Variants in ISG20 observed in about 807,000 individuals in gnomAD.
The protein encoded by ISG20 is interferon stimulated exonuclease gene 20.
Under a neutral mutation model 11.1 loss-of-function variants are expected in ISG20, and 8 were observed. That is an observed-to-expected ratio of 0.72 (90% confidence interval 0.42 to 1.30). The LOEUF (loss-of-function observed/expected upper bound fraction) is 1.30. ISG20 is among the 50% of genes most tolerant of loss of function. The probability of loss-of-function intolerance (pLI) is 0.01; values close to 1 mark genes in which losing one functional copy is unlikely to be tolerated. For synonymous variants in ISG20, 110 were observed against 101.7 expected (o/e 1.08, Z -0.49); for missense variants, 243 against 250.2 (o/e 0.97, Z 0.19).
At chr15:88,641,879 A>G (rs2058086783) in intron 2 of ISG20, among the ~76,000 whole-genome samples, 1 of 149,776 alleles carries the variant, frequency 6.7e-6, no homozygotes, top group Admixed American at 6.6e-5. Flanking sequence ...TGGCCTCCCA[A>G]AGTGCTGGGA....
chr15:88,654,569 G>A (rs1038985269), intron 3 of ISG20, among the ~76,000 whole-genome samples: 13 of 152,222 alleles, frequency 8.5e-5, no homozygotes, highest in Middle Eastern at 6.8e-3. Flanking sequence ...GGACACCAGG[G>A]CTGAGCGGGG....
At chr15:88,652,556 C>T (rs867596703) in intron 3 of ISG20, among the ~76,000 whole-genome samples, 6 of 34,978 alleles carry the variant, frequency 1.7e-4, no homozygotes, top group African/African-American at 5.6e-4. Context: ...TGCCCTCCTC[C>T]CCTTCCTCCT....
rs144037981 is a variant in ISG20, at chr15:88,639,456, C to G, written c.90C>G (p.Leu30=). Residue 30 remains leucine (L), a synonymous_variant, in exon 2 of 4, where the codon CTC becomes CTG. Coordinates refer to ENST00000306072, the MANE Select transcript of ISG20 (RefSeq NM_002201.6). The surrounding 1 kb of genome is among the most constrained non-coding windows in gnomAD (Gnocchi z 4.2). ...HRESGLARCS[L]VNVHGAVLYD... is the part of the protein sequence containing the mutation. ...AGAGTGGCCTGGCTCGTTGCAGCCT[C>G]GTGAACGTCCACGGTGCTGTGCTGT... 9 of 1,614,142 alleles carry G rather than the reference C, an allele frequency of 5.6e-6. No homozygotes were observed. The East Asian group carries it at 2.0e-4, about 36-fold the overall frequency.
chr15:88,650,267 G>A lies in ISG20; in HGVS notation c.229-1843G>A, dbSNP rs1039155821. ...TCCCATCCTCTCCAACGGCAGCTGA[G>A]TGAAAGCAAGCTGACTGGCCTGTGT... On this transcript the variant is annotated intron_variant, in intron 2 of 3. Coordinates refer to ENST00000306072, the MANE Select transcript of ISG20 (RefSeq NM_002201.6). This position sits in a 1 kb window ranked among gnomAD's most constrained non-coding sequence, Gnocchi z 4.0. The A allele has an allele frequency of 5.9e-6, 9 of 1,535,718 alleles. No individual in the cohort carries two copies. Among genetic ancestry groups the A allele is most frequent in the Non-Finnish European group, 7.8e-6 (9 of 1,146,890 alleles).
At chr15:88,635,720 A>G (rs1463417804), upstream of ISG20, among the ~76,000 whole-genome samples, 2 of 152,088 alleles carry the variant, frequency 1.3e-5, no homozygotes, top group Non-Finnish European at 2.9e-5. Context: ...GTTAAGTTTT[A>G]CCTTTTAATA....
rs370559976 is a variant in ISG20, at chr15:88,655,562, G to A, written c.*31G>A. On this transcript the variant is annotated 3_prime_UTR_variant, in exon 4 of 4. Transcript: ENST00000306072. ...CATCCAGCCCGTTCCGCAGGGACTA[G>A]AGGCTTTCGGCTTTTTGGGACAGCA... The A allele has an allele frequency of 2.0e-6, 3 of 1,536,908 alleles. No homozygotes were observed. In the African/African-American group the frequency reaches 4.1e-5, roughly 21 times the overall value.
chr15:88,649,142 G>A (rs2058229168), intron 2 of ISG20: 1 of 152,294 alleles, frequency 6.6e-6, no homozygotes, highest in Admixed American at 6.5e-5. Context: ...CTGAAGCCCA[G>A]AGAGGGTCTT....
At chr15:88,640,205 G>C (rs117365289) in intron 2 of ISG20, among the ~76,000 whole-genome samples, 1 of 152,182 alleles carries the variant, frequency 6.6e-6, no homozygotes, top group Non-Finnish European at 1.5e-5. Context: ...GTGTCAACAC[G>C]GTTAGCCACC....
chr15:88,641,152 C>T (rs1428030410), intron 2 of ISG20, among the ~76,000 whole-genome samples: 3 of 151,972 alleles, frequency 2.0e-5, no homozygotes, highest in African/African-American at 7.3e-5. Context: ...GCCACCATGC[C>T]CGGCTAATTT....
chr15:88,646,239 C>T (rs554497997), intron 2 of ISG20, among the ~76,000 whole-genome samples: 75 of 152,312 alleles, frequency 4.9e-4, no homozygotes, highest in African/African-American at 1.8e-3. Context: ...TGTATCCAGC[C>T]CTGTGGCCCA....
chr15:88,639,034 C>T lies in ISG20; in HGVS notation c.-67C>T. 2.3e-6 allele frequency: 1 copy of T among 429,110 alleles called. No individual in the cohort carries two copies. Among genetic ancestry groups the T allele is most frequent in the Non-Finnish European group, 4.2e-6 (1 of 236,130 alleles). The allele number at this position is 429,110 out of a possible 1,614,324, so 26.6% of individuals were successfully genotyped here. A position where few individuals can be genotyped will look rare whatever the true frequency, so the allele number is the denominator to read the frequency against. ...AGCAGCTGCAGTAGCTGAGCAGTGG[C>T]AGCAGAGAGGCAGACGTGAGCTGAG... On this transcript the variant is annotated 5_prime_UTR_variant, in exon 1 of 4. Transcript: ENST00000306072. This position sits in a 1 kb window ranked among gnomAD's most constrained non-coding sequence, Gnocchi z 4.2.
At chr15:88,635,815 C>G (rs953439670), upstream of ISG20, among the ~76,000 whole-genome samples, 16 of 152,126 alleles carry the variant, frequency 1.1e-4, no homozygotes, top group African/African-American at 3.6e-4. Flanking sequence ...TAAGTAGCTT[C>G]TTAATTTCTT....
intron 2 of ISG20, among the ~76,000 whole-genome samples, chr15:88,645,642 C>T (rs1410064867): frequency 6.6e-6 from 1 of 152,112 alleles, no homozygotes; most frequent in East Asian, 1.9e-4. Context: ...TCTCATAGCT[C>T]AGCCATTGCC....
intron 2 of ISG20, among the ~76,000 whole-genome samples, chr15:88,646,481 C>T (rs892776361): frequency 6.6e-5 from 10 of 152,032 alleles, no homozygotes; most frequent in South Asian, 2.1e-4. Flanking sequence ...ATGTAAGGGG[C>T]GAGGTCCTGC....
intron 2 of ISG20, among the ~76,000 whole-genome samples, chr15:88,641,926 C>CTTTTTTTT (rs140178121): frequency 8.8e-5 from 9 of 102,852 alleles, no homozygotes; most frequent in African/African-American, 2.1e-4. Flanking sequence ...TTAGCTTCCT[C>CTTTTTTTT]TTTTTTTTTT....
At position 88,639,322 on chromosome 15, in the gene ISG20, C is replaced by T; in HGVS notation, c.-24-21C>T. ...TTGGTTTGCCCAAGCGTGAGACCGCCCCCCATACCCCTCTCTCCAGCATCT... is the reference window on the plus strand; with the variant it reads ...TTGGTTTGCCCAAGCGTGAGACCGCTCCCCATACCCCTCTCTCCAGCATCT... On this transcript the variant is annotated intron_variant, in intron 1 of 3. Transcript: ENST00000306072. The surrounding 1 kb of genome is among the most constrained non-coding windows in gnomAD (Gnocchi z 4.2). 6.8e-7 allele frequency: 1 copy of T among 1,480,430 alleles called. No homozygotes were observed. Among genetic ancestry groups the T allele is most frequent in the Non-Finnish European group, 9.2e-7 (1 of 1,083,892 alleles). 91.7% of individuals were successfully genotyped at this position (1,480,430 alleles called of 1,614,324 possible).
chr15:88,641,996 C>T (rs1418141144), intron 2 of ISG20, among the ~76,000 whole-genome samples: 1 of 142,938 alleles, frequency 7.0e-6, no homozygotes, highest in African/African-American at 2.6e-5. Flanking sequence ...TGCAGTGGCA[C>T]GATCTCGGCT....
At chr15:88,651,175 C>G in intron 2 of ISG20, 1 of 983,246 alleles carries the variant, frequency 1.0e-6, no homozygotes, top group Non-Finnish European at 1.2e-6. Flanking sequence ...AGAAGAGTGT[C>G]AAGGAATTTG....
intron 3 of ISG20, among the ~76,000 whole-genome samples, chr15:88,653,514 C>T (rs1373457399): frequency 6.6e-6 from 1 of 152,138 alleles, no homozygotes; most frequent in African/African-American, 2.4e-5. Context: ...CCTCAAGGCA[C>T]ATAAGGCACA....
Sources: allele counts gnomAD v4.1 joint callset (sites outside exome capture counted in the v4.1 genomes callset), GRCh38; gene constraint gnomAD v4.1.1; non-coding constraint Gnocchi (gnomAD v3.1); transcripts MANE v1.5; gene names NCBI Gene and HGNC (gene_info 2026-07-23, HGNC 2026-07-21).